SLC35F1: variants seen among roughly 807,000 people sequenced by gnomAD.
SLC35F1 encodes the protein chromosome 6 open reading frame 169.
SLC35F1 carries 14 observed loss-of-function variants against 48.7 expected under a neutral mutation model. The observed-to-expected ratio is 0.29, with a 90% CI of 0.19 to 0.45. SLC35F1 has a LOEUF of 0.45. Ranked by LOEUF, SLC35F1 falls within the 20% of genes least tolerant of loss-of-function variation. The probability of loss-of-function intolerance (pLI) is 1.00; values close to 1 mark genes in which losing one functional copy is unlikely to be tolerated. For synonymous variants in SLC35F1, 190 were observed against 202.2 expected (o/e 0.94, Z 0.51); for missense variants, 404 against 500.0 (o/e 0.81, Z 1.83).
chr6:118,086,191 C>A (rs1268522787), intron 1 of SLC35F1, among the ~76,000 whole-genome samples: 1 of 152,194 alleles, frequency 6.6e-6, no homozygotes, highest in African/African-American at 2.4e-5. Context: ...TAAATTCTCA[C>A]AATTCACCCA....
At chr6:118,021,693 C>G (rs543716663) in intron 1 of SLC35F1, among the ~76,000 whole-genome samples, 2 of 152,146 alleles carry the variant, frequency 1.3e-5, no homozygotes, top group Non-Finnish European at 2.9e-5. Flanking sequence ...CAAACCATCC[C>G]AAGACATAAT....
At position 117,973,646 on chromosome 6, in the gene SLC35F1, A is replaced by T. The variant is rs1776671204; in HGVS notation, c.173+65747A>T. Among the ~76,000 whole-genome samples the T allele has an allele frequency of 2.6e-5, 4 of 152,014 alleles. No homozygotes were observed. In the South Asian group the frequency reaches 8.3e-4, roughly 32 times the overall value. On this transcript the variant is annotated intron_variant, in intron 1 of 7. Coordinates refer to ENST00000360388, the MANE Select transcript of SLC35F1 (RefSeq NM_001029858.4). Reference sequence around the variant, plus strand: ...AATGCAGTCATGCTCATTGCAGCCTAGAACTCCTAGGCTGAAGAGACCCTC... The same window carrying T: ...AATGCAGTCATGCTCATTGCAGCCTTGAACTCCTAGGCTGAAGAGACCCTC...
chr6:118,044,804 C>T (rs1328578237), intron 1 of SLC35F1, among the ~76,000 whole-genome samples: 4 of 152,150 alleles, frequency 2.6e-5, no homozygotes, highest in East Asian at 1.9e-4. Flanking sequence ...TCCAACTGAA[C>T]TCTGTTTACT....
Position 118,272,144 on chromosome 6 carries a change from A to G in SLC35F1, c.638-3315A>G, listed in dbSNP as rs1041589313. 3.3e-5 allele frequency among the ~76,000 whole-genome samples: 5 copies of G among 152,226 alleles called. No homozygotes were observed. The South Asian group carries it at 1.0e-3, about 32-fold the overall frequency. ...GAGAATGTATAATGCTGCAGGATTC[A>G]TGCTGGAGACCACACAGAATATACA... is the stretch of plus-strand genomic sequence containing the variant. On this transcript the variant is annotated intron_variant, in intron 4 of 7. Transcript: ENST00000360388.
At chr6:117,978,106 T>A (rs1776727481) in intron 1 of SLC35F1, among the ~76,000 whole-genome samples, 1 of 152,176 alleles carries the variant, frequency 6.6e-6, no homozygotes, top group South Asian at 2.1e-4. Context: ...TTTCTTCAGA[T>A]GTGTTTATCT....
chr6:118,145,746 G>A (rs1773962077), intron 1 of SLC35F1, among the ~76,000 whole-genome samples: 1 of 152,064 alleles, frequency 6.6e-6, no homozygotes, highest in Non-Finnish European at 1.5e-5. Flanking sequence ...AGCAACCATA[G>A]CATAAAGATA....
At chr6:118,162,577 CT>C (rs1774252545) in intron 2 of SLC35F1, among the ~76,000 whole-genome samples, 1 of 152,134 alleles carries the variant, frequency 6.6e-6, no homozygotes, top group African/African-American at 2.4e-5. Context: ...AGAAAATTAA[CT>C]ACTATAACTC....
At chr6:118,241,206 T>C (rs1426488619) in intron 3 of SLC35F1, among the ~76,000 whole-genome samples, 1 of 152,196 alleles carries the variant, frequency 6.6e-6, no homozygotes, top group African/African-American at 2.4e-5. Context: ...CCCAAGCACA[T>C]TTGTTTTAAC....
chr6:118,028,902 G>C (rs1356175013), intron 1 of SLC35F1, among the ~76,000 whole-genome samples: 4 of 152,066 alleles, frequency 2.6e-5, no homozygotes, highest in Non-Finnish European at 5.9e-5. Flanking sequence ...GTTTGGGTTA[G>C]AGTCATGAGG....
chr6:118,217,184 G>A (rs966816615), intron 2 of SLC35F1, among the ~76,000 whole-genome samples: 14 of 152,148 alleles, frequency 9.2e-5, no homozygotes, highest in Non-Finnish European at 2.9e-5. Flanking sequence ...ACTTGCCCCA[G>A]TGTTCATAGC....
chr6:118,086,147 T>C (rs1255822103), intron 1 of SLC35F1, among the ~76,000 whole-genome samples: 1 of 152,240 alleles, frequency 6.6e-6, no homozygotes, highest in Non-Finnish European at 1.5e-5. Context: ...GATTAAAGTT[T>C]TCTCCAATGT....
At chr6:117,961,507 G>A (rs1475794302) in intron 1 of SLC35F1, among the ~76,000 whole-genome samples, 2 of 152,152 alleles carry the variant, frequency 1.3e-5, no homozygotes, top group Admixed American at 6.5e-5. Context: ...GTCTAGAAGG[G>A]AAGTGATTTC....
At chr6:118,277,183 C>T (rs193188496) in intron 5 of SLC35F1, among the ~76,000 whole-genome samples, 1 of 152,252 alleles carries the variant, frequency 6.6e-6, no homozygotes, top group East Asian at 1.9e-4. Flanking sequence ...TGAACCTCAC[C>T]ATTTGCTTTT....
chr6:118,307,002 A>G (rs1776319418), intron 7 of SLC35F1, among the ~76,000 whole-genome samples: 2 of 152,238 alleles, frequency 1.3e-5, no homozygotes, highest in South Asian at 4.1e-4. Flanking sequence ...GGCCTCATAA[A>G]CCAAACTGGG....
chr6:117,922,707 G>A (rs975620312), intron 1 of SLC35F1, among the ~76,000 whole-genome samples: 1 of 152,222 alleles, frequency 6.6e-6, no homozygotes, highest in African/African-American at 2.4e-5. Flanking sequence ...GGACAGGTCT[G>A]ATTGCAGTGC....
intron 2 of SLC35F1, among the ~76,000 whole-genome samples, chr6:118,216,416 G>T (rs528238673): frequency 5.3e-4 from 80 of 149,712 alleles, no homozygotes; most frequent in Non-Finnish European, 9.3e-4. Flanking sequence ...CTAAAATGTT[G>T]TGTGGGAGGC....
At chr6:118,195,721 G>A (rs1431201914) in intron 2 of SLC35F1, among the ~76,000 whole-genome samples, 1 of 151,838 alleles carries the variant, frequency 6.6e-6, no homozygotes, top group African/African-American at 2.4e-5. Flanking sequence ...TCCAGTTTCT[G>A]TTGTGACTTC....
intron 7 of SLC35F1, among the ~76,000 whole-genome samples, chr6:118,305,665 T>G (rs1362091650): frequency 2.0e-5 from 3 of 152,202 alleles, no homozygotes; most frequent in Non-Finnish European, 4.4e-5. Flanking sequence ...TCCTTTAATA[T>G]TATGATATAA....
intron 2 of SLC35F1, among the ~76,000 whole-genome samples, chr6:118,212,063 G>C (rs908359511): frequency 1.3e-5 from 2 of 152,068 alleles, no homozygotes; most frequent in African/African-American, 4.8e-5. Context: ...TCCTTTGTAT[G>C]CATTCTTGGT....
Sources: allele counts gnomAD v4.1 joint callset (sites outside exome capture counted in the v4.1 genomes callset), GRCh38; gene constraint gnomAD v4.1.1; transcripts MANE v1.5; gene names NCBI Gene and HGNC (gene_info 2026-07-23, HGNC 2026-07-21).